Variants in RGS6 observed in about 807,000 individuals in gnomAD.
The protein encoded by RGS6 is regulator of G protein signaling 6, also known as regulator of G-protein signaling 6.
RGS6 carries 30 observed loss-of-function variants against 78.5 expected under a neutral mutation model. The ratio of observed to expected loss-of-function variants is 0.38; its 90% confidence interval spans 0.29 to 0.52. The LOEUF (loss-of-function observed/expected upper bound fraction) is 0.52. Among genes scored for constraint, RGS6 ranks in the 20% least tolerant of loss-of-function variants. The pLI, the probability that RGS6 is intolerant of heterozygous loss-of-function variation, is 0.85. For missense variants in RGS6, 495 were observed against 609.7 expected (o/e 0.81, Z 1.98); for synonymous variants, 206 against 206.0 (o/e 1.00, Z 0.00).
the RGS6 span, among the ~76,000 whole-genome samples, chr14:72,574,924 G>A: frequency 2.6e-5 from 4 of 152,266 alleles, no homozygotes; most frequent in South Asian, 8.3e-4. Flanking sequence ...AGGGTGCAGA[G>A]AGGGAAAGAT....
the RGS6 span, among the ~76,000 whole-genome samples, chr14:72,587,514 C>T: frequency 6.6e-6 from 1 of 152,032 alleles, no homozygotes; most frequent in South Asian, 2.1e-4. Context: ...AGGTAAAATC[C>T]ACCCCATAAC....
intron 2 of RGS6, among the ~76,000 whole-genome samples, chr14:72,164,902 G>T (rs1049798279): frequency 1.3e-5 from 2 of 152,180 alleles, no homozygotes; most frequent in South Asian, 2.1e-4. Context: ...ATGGCTGACT[G>T]TGCCTGCCGT....
chr14:71,992,287 C>T (rs2094991187), intron 2 of RGS6, among the ~76,000 whole-genome samples: 1 of 152,228 alleles, frequency 6.6e-6, no homozygotes, highest in Non-Finnish European at 1.5e-5. Context: ...CCCACCTTGG[C>T]CTCCCAAAGT....
At chr14:72,401,907 C>T (rs978160094) in intron 3 of RGS6, among the ~76,000 whole-genome samples, 3 of 152,086 alleles carry the variant, frequency 2.0e-5, no homozygotes, top group Non-Finnish European at 2.9e-5. Context: ...AGATGGCTCA[C>T]TAAAGATATT....
intron 2 of RGS6, among the ~76,000 whole-genome samples, chr14:72,236,832 C>T (rs1001429056): frequency 3.3e-5 from 5 of 151,936 alleles, no homozygotes; most frequent in South Asian, 2.1e-4. Context: ...ACTTCCCACA[C>T]GCGGTGGCAG....
the RGS6 span, among the ~76,000 whole-genome samples, chr14:72,575,348 T>G: frequency 6.6e-6 from 1 of 152,070 alleles, no homozygotes; most frequent in South Asian, 2.1e-4. Context: ...GAAGGTGGAA[T>G]GGAGGAAGAC....
At chr14:72,484,395 A>G (rs976747806) in intron 12 of RGS6, among the ~76,000 whole-genome samples, 2 of 152,092 alleles carry the variant, frequency 1.3e-5, no homozygotes, top group African/African-American at 4.8e-5. Flanking sequence ...GAGCCTAGCC[A>G]TGTCAGTATC....
At chr14:72,211,642 T>C (rs1234995283) in intron 2 of RGS6, among the ~76,000 whole-genome samples, 1 of 152,126 alleles carries the variant, frequency 6.6e-6, no homozygotes, top group Non-Finnish European at 1.5e-5. Flanking sequence ...GAATAGATAA[T>C]GTTAAGTTCC....
the RGS6 span, among the ~76,000 whole-genome samples, chr14:72,581,955 G>A: frequency 6.6e-6 from 1 of 152,212 alleles, no homozygotes; most frequent in Non-Finnish European, 1.5e-5. Flanking sequence ...TCTGGTGGGA[G>A]CTTTCCTGCT....
At chr14:72,327,908 C>A (rs2074163187) in intron 2 of RGS6, among the ~76,000 whole-genome samples, 1 of 150,210 alleles carries the variant, frequency 6.7e-6, no homozygotes. Flanking sequence ...TAGGATATAG[C>A]CTAGATATAT....
chr14:72,083,253 C>T (rs572897236), intron 2 of RGS6, among the ~76,000 whole-genome samples: 4 of 152,192 alleles, frequency 2.6e-5, no homozygotes, highest in South Asian at 2.1e-4. Flanking sequence ...CATAGATCAA[C>T]GGTTCCCAAC....
the RGS6 span, among the ~76,000 whole-genome samples, chr14:72,584,258 A>G: frequency 2.0e-5 from 3 of 152,218 alleles, no homozygotes; most frequent in Non-Finnish European, 4.4e-5. Flanking sequence ...TTGAACACCC[A>G]TGTGCCAGGC....
chr14:72,545,900 G>T lies in RGS6; in HGVS notation c.1422+5806G>T, dbSNP rs116091704. 4.2e-3 allele frequency among the ~76,000 whole-genome samples: 590 copies of T among 141,068 alleles called. 5 individuals carry two copies. Among genetic ancestry groups the T allele is most frequent in the African/African-American group, 0.017 (565 of 32,944 alleles). 92.5% of individuals were successfully genotyped at this position (141,068 alleles called of 152,430 possible). ...CTGCAGTCCCCACCCTTCCGGTCTG[G>T]ATGCCCAGCTGTGTGTGTGTGTGTC... On this transcript the variant is annotated intron_variant, in intron 17 of 17. Coordinates refer to ENST00000553525, the MANE Select transcript of RGS6 (RefSeq NM_001204424.2).
intron 2 of RGS6, among the ~76,000 whole-genome samples, chr14:72,024,613 A>G (rs1404487926): frequency 6.6e-6 from 1 of 152,194 alleles, no homozygotes; most frequent in African/African-American, 2.4e-5. Context: ...CCTGATGAGT[A>G]CCTATGTTGA....
chr14:71,964,779 G>A lies in RGS6; in HGVS notation c.-13G>A, dbSNP rs2093417376. The A allele has an allele frequency of 2.5e-6, 4 of 1,608,034 alleles. No homozygotes were observed. The highest frequency in any genetic ancestry group is 1.3e-5 in the African/African-American group (1 of 74,616). ...ATTCATTTATTTTTGCAGTGTGAGT[G>A]AAGACACTCAGGATGGCTCAAGGAT... is the stretch of plus-strand genomic sequence containing the variant. On this transcript the variant is annotated 5_prime_UTR_variant, in exon 2 of 18. Transcript: ENST00000553525.
intron 2 of RGS6, among the ~76,000 whole-genome samples, chr14:72,227,481 A>C (rs1014556824): frequency 6.6e-6 from 1 of 152,152 alleles, no homozygotes; most frequent in Non-Finnish European, 1.5e-5. Flanking sequence ...GAAAAAATTG[A>C]ATAAAGATGT....
In RGS6 at chr14:72,548,328, TGTGTGTGTGTGTGTGCGCGC is replaced by T. The variant is rs568324106; in HGVS notation, c.1422+8250_1422+8269del. On this transcript the variant is annotated intron_variant, in intron 17 of 17. Coordinates refer to ENST00000553525, the MANE Select transcript of RGS6 (RefSeq NM_001204424.2). The stretch of plus-strand genomic sequence containing the variant: ...AGATAGCATTTTACCAGATCATATT[TGTGTGTGTGTGTGTGCGCGC>T]GTGTGTGTGTGTGTGTGTGTGTGTT... 3.5e-4 allele frequency among the ~76,000 whole-genome samples: 32 copies of T among 91,432 alleles called. 1 individual carries two copies. The highest frequency in any genetic ancestry group is 2.9e-3 in the East Asian group (8 of 2,798). 60.0% of individuals were successfully genotyped at this position (91,432 alleles called of 152,430 possible). A position where few individuals can be genotyped will look rare whatever the true frequency, so the allele number is the denominator to read the frequency against.
chr14:72,059,074 AT>A (rs1264285802), intron 2 of RGS6, among the ~76,000 whole-genome samples: 1 of 151,950 alleles, frequency 6.6e-6, no homozygotes, highest in East Asian at 1.9e-4. Context: ...TAATTTTTGT[AT>A]TTTTAGTAGA....
intron 2 of RGS6, among the ~76,000 whole-genome samples, chr14:72,324,334 A>C (rs1321292879): frequency 1.3e-5 from 2 of 152,234 alleles, no homozygotes; most frequent in African/African-American, 4.8e-5. Flanking sequence ...AAAATGATAT[A>C]CTGAGAAAAA....
Sources: allele counts gnomAD v4.1 joint callset (sites outside exome capture counted in the v4.1 genomes callset), GRCh38; gene constraint gnomAD v4.1.1; transcripts MANE v1.5; gene names NCBI Gene and HGNC (gene_info 2026-07-23, HGNC 2026-07-21).